The following KLRG2 variants were observed in gnomAD, a reference collection of about 807,000 sequenced individuals.
KLRG2 encodes the protein killer cell lectin like receptor G2, also known as killer cell lectin-like receptor subfamily G member 2.
KLRG2 carries 39 observed loss-of-function variants against 35.4 expected under a neutral mutation model. That is an observed-to-expected ratio of 1.10 (90% CI 0.85 to 1.44). The LOEUF (loss-of-function observed/expected upper bound fraction) is 1.44, where lower values mean the gene tolerates loss of function less well. Among genes scored for constraint, KLRG2 ranks in the 40% most tolerant of loss-of-function variants. The probability of loss-of-function intolerance (pLI) is 0.00; values close to 1 mark genes in which losing one functional copy is unlikely to be tolerated. For synonymous variants in KLRG2, 283 were observed against 265.8 expected (o/e 1.06, Z -0.63); for missense variants, 632 against 570.9 (o/e 1.11, Z -1.09).
At chr7:139,440,553 G>C in the KLRG2 span, among the ~76,000 whole-genome samples, 1 of 151,394 alleles carries the variant, frequency 6.6e-6, no homozygotes, top group South Asian at 2.1e-4. Flanking sequence ...TACCATAGCC[G>C]ACTTAATTTG....
intron 3 of KLRG2, among the ~76,000 whole-genome samples, chr7:139,454,857 ATAATAAT>A (rs1331566980): frequency 7.9e-6 from 1 of 126,288 alleles, no homozygotes; most frequent in African/African-American, 3.4e-5. Flanking sequence ...AATAATAATA[ATAATAAT>A]AACACACGCA....
the KLRG2 span, among the ~76,000 whole-genome samples, chr7:139,443,495 C>T: frequency 6.6e-6 from 1 of 152,136 alleles, no homozygotes; most frequent in Admixed American, 6.6e-5. Flanking sequence ...AAAAATGAAA[C>T]AGTATTAGTC....
intron 3 of KLRG2, among the ~76,000 whole-genome samples, chr7:139,475,008 GA>G (rs1236388108): frequency 1.3e-5 from 2 of 152,156 alleles, no homozygotes; most frequent in Non-Finnish European, 2.9e-5. Flanking sequence ...CTGAAGGAAG[GA>G]ATGCTGCAGA....
chr7:139,445,397 G>T, the KLRG2 span, among the ~76,000 whole-genome samples: 2 of 152,130 alleles, frequency 1.3e-5, no homozygotes, highest in Admixed American at 6.6e-5. Flanking sequence ...AGCACCAAGG[G>T]TGTATTCATG....
rs777823526 is a variant in KLRG2, at chr7:139,468,233, C to T, written c.1005+11394G>A. Among the ~76,000 whole-genome samples, 40 of 152,050 alleles carry T rather than the reference C, an allele frequency of 2.6e-4. 1 individual carries two copies. Among genetic ancestry groups the T allele is most frequent in the Non-Finnish European group, 1.6e-4 (11 of 68,014 alleles). On this transcript the variant is annotated intron_variant, in intron 3 of 4. Coordinates refer to ENST00000340940, the MANE Select transcript of KLRG2 (RefSeq NM_198508.4). ...AAGGGAACTCAGAGGCTGGCGGGAT[C>T]CTCTATATGCTGAACGCTGGTCCCC... is the stretch of plus-strand genomic sequence containing the variant.
At chr7:139,451,558 A>T (rs185411830), downstream of KLRG2, among the ~76,000 whole-genome samples, 122 of 152,200 alleles carry the variant, frequency 8.0e-4, no homozygotes, top group African/African-American at 2.8e-3. Flanking sequence ...GGATTATCAC[A>T]AGTGTGAAAC....
Position 139,483,546 on chromosome 7 carries a change from G to C in KLRG2, c.97C>G (p.Gln33Glu). ...GGTTGTCGCACCTTCGCGGGCACCTGCGGCTGCTCCAGCGTGGGGACCAGG... is the reference window on the plus strand; with the variant it reads ...GGTTGTCGCACCTTCGCGGGCACCTCCGGCTGCTCCAGCGTGGGGACCAGG... ...GSLVPTLEQPQVPAKVRQPEG... is the reference protein window; with the variant it reads ...GSLVPTLEQPEVPAKVRQPEG... The change falls in exon 1 of 5, where the codon CAG becomes GAG. Residue 33 changes from glutamine (Q) to glutamate (E), a missense_variant. Gln to Glu is a conservative substitution (Grantham distance 29). Transcript: ENST00000340940. 1 of 1,598,924 alleles carries C rather than the reference G, an allele frequency of 6.3e-7. No homozygotes were observed. Among genetic ancestry groups the C allele is most frequent in the Non-Finnish European group, 8.5e-7 (1 of 1,178,886 alleles).
Position 139,483,469 on chromosome 7 carries a change from C to T in KLRG2, c.174G>A (p.Ala58=), listed in dbSNP as rs1797008943. 6.3e-7 allele frequency: 1 copy of T among 1,591,558 alleles called. No homozygotes were observed. Among genetic ancestry groups the T allele is most frequent in the Non-Finnish European group, 8.5e-7 (1 of 1,176,646 alleles). Residue 58 remains alanine, a synonymous_variant, in exon 1 of 5, where the codon GCG becomes GCA. Coordinates refer to ENST00000340940, the MANE Select transcript of KLRG2 (RefSeq NM_198508.4). ...PSPAGAVEKA[A]GAGLEPSSKK... is the part of the protein sequence containing the mutation. ...TGCTCGAGGGCTCCAGGCCTGCGCC[C>T]GCCGCCTTCTCCACGGCCCCGGCCG...
chr7:139,464,457 C>T (rs1293789844), intron 3 of KLRG2, among the ~76,000 whole-genome samples: 8 of 152,184 alleles, frequency 5.3e-5, no homozygotes, highest in Non-Finnish European at 7.3e-5. Flanking sequence ...CTATCCACCC[C>T]GTGGTGCCAA....
the KLRG2 span, among the ~76,000 whole-genome samples, chr7:139,430,738 G>A: frequency 6.6e-6 from 1 of 151,974 alleles, no homozygotes; most frequent in African/African-American, 2.4e-5. Flanking sequence ...GCCAGGTGTG[G>A]TGGCTCACCC....
the KLRG2 span, among the ~76,000 whole-genome samples, chr7:139,429,543 T>A: frequency 6.6e-6 from 1 of 151,888 alleles, no homozygotes; most frequent in Non-Finnish European, 1.5e-5. Context: ...TTTGTGTCCC[T>A]GGGTACTTGA....
At chr7:139,460,500 A>G (rs1282803717) in intron 3 of KLRG2, among the ~76,000 whole-genome samples, 1 of 152,094 alleles carries the variant, frequency 6.6e-6, no homozygotes. Flanking sequence ...CAACAGAGTG[A>G]GACCCTGTCT....
chr7:139,480,116 G>A, intron 2 of KLRG2, 30 bp downstream of exon 2: 1 of 1,412,586 alleles, frequency 7.1e-7, no homozygotes, highest in Non-Finnish European at 1.0e-6. Flanking sequence ...GCGGCAGGGA[G>A]AGGGGATGGG....
chr7:139,454,163 G>T lies in KLRG2; in HGVS notation c.1057C>A (p.Arg353=). The change falls in exon 4 of 5, where the codon CGA becomes AGA. Residue 353 remains arginine, a synonymous_variant. Transcript: ENST00000340940. The part of the protein sequence containing the change: ...VSRHSWVGAW[R]GPQGWHWIDE... ...ATCCAGTGCCAGCCCTGGGGGCCTC[G>T]CCAGGCCCCCACCCAGGAGTGCCTG... The T allele has an allele frequency of 6.5e-7, 1 of 1,545,044 alleles. No homozygotes were observed. The highest frequency in any genetic ancestry group is 8.7e-7 in the Non-Finnish European group (1 of 1,144,340).
chr7:139,480,035 G>A (rs530199746), intron 2 of KLRG2, 111 bp downstream of exon 2: 8 of 826,766 alleles, frequency 9.7e-6, no homozygotes, highest in Non-Finnish European at 1.2e-5. Flanking sequence ...ATGTCTTCGT[G>A]TTGCATCTCC....
At chr7:139,456,855 CT>C (rs1796485588) in intron 3 of KLRG2, among the ~76,000 whole-genome samples, 1 of 152,140 alleles carries the variant, frequency 6.6e-6, no homozygotes, top group South Asian at 2.1e-4. Context: ...GGGCCAGGAG[CT>C]TGTCTTACTC....
At chr7:139,437,919 G>A in the KLRG2 span, among the ~76,000 whole-genome samples, 1 of 152,282 alleles carries the variant, frequency 6.6e-6, no homozygotes, top group South Asian at 2.1e-4. Flanking sequence ...GGACTGGCTG[G>A]ACTCCCCCAC....
chr7:139,466,978 CCTT>C (rs1298784254), intron 3 of KLRG2, among the ~76,000 whole-genome samples: 5 of 152,058 alleles, frequency 3.3e-5, no homozygotes, highest in African/African-American at 7.2e-5. Flanking sequence ...CTGTTTTTCT[CCTT>C]CTCTTATTTG....
At position 139,482,867 on chromosome 7, in the gene KLRG2, G is replaced by A. The variant is rs1342036180; in HGVS notation, c.757+19C>T. Reference sequence around the variant, plus strand: ...ACCCGACCTGGCGGCGTCGGCTGCCGGCGCAGGTGAGCACTCACCCGTAAG... The same window carrying A: ...ACCCGACCTGGCGGCGTCGGCTGCCAGCGCAGGTGAGCACTCACCCGTAAG... On this transcript the variant is annotated intron_variant, in intron 1 of 4. Coordinates refer to ENST00000340940, the MANE Select transcript of KLRG2 (RefSeq NM_198508.4). 1.4e-6 allele frequency: 2 copies of A among 1,385,912 alleles called. No homozygotes were observed. Among genetic ancestry groups the A allele is most frequent in the Non-Finnish European group, 1.9e-6 (2 of 1,075,572 alleles). 85.9% of individuals were successfully genotyped at this position (1,385,912 alleles called of 1,614,324 possible).
Sources: allele counts gnomAD v4.1 joint callset (sites outside exome capture counted in the v4.1 genomes callset), GRCh38; gene constraint gnomAD v4.1.1; transcripts MANE v1.5; gene names NCBI Gene and HGNC (gene_info 2026-07-23, HGNC 2026-07-21).